CASP6: variants seen among roughly 807,000 people sequenced by gnomAD.
CASP6 encodes caspase-6.
A neutral mutation model predicts 31.8 loss-of-function variants in CASP6; 20 were observed. The observed-to-expected ratio is 0.63, with a 90% CI of 0.44 to 0.91. The LOEUF is 0.91. CASP6 is among the 40% of genes least tolerant of loss of function. CASP6 has a pLI of 0.00. For missense variants in CASP6, 328 were observed against 361.1 expected, an observed-to-expected ratio of 0.91 and a Z score of 0.74; for synonymous variants, 130 against 127.8, an observed-to-expected ratio of 1.02 and a Z score of -0.12.
chr4:109,678,882 C>A, the CASP6 span, among the ~76,000 whole-genome samples: 2 of 145,772 alleles, frequency 1.4e-5, no homozygotes, highest in Non-Finnish European at 3.0e-5. Context: ...CAGAGACACT[C>A]CCCACTTCCC....
At chr4:109,678,305 T>C in the CASP6 span, among the ~76,000 whole-genome samples, 1 of 152,224 alleles carries the variant, frequency 6.6e-6, no homozygotes. Flanking sequence ...ATCATCATCA[T>C]GGCCTGTTCT....
At chr4:109,688,369 A>G (rs1175461942), downstream of CASP6, 1 of 152,262 alleles carries the variant, frequency 6.6e-6, no homozygotes, top group Admixed American at 6.5e-5. Context: ...TAGGAACTTA[A>G]CATGGAAGAT....
At chr4:109,684,390 C>T, downstream of CASP6, 3 of 1,418,568 alleles carry the variant, frequency 2.1e-6, no homozygotes, top group Non-Finnish European at 2.9e-6. Flanking sequence ...GCTTTTTGTC[C>T]CTTTAGTTGG....
the CASP6 span, among the ~76,000 whole-genome samples, chr4:109,675,686 G>A: frequency 3.8e-4 from 58 of 152,356 alleles, no homozygotes; most frequent in Admixed American, 2.8e-3. Flanking sequence ...GATGTGAGGC[G>A]TATTGGGAGG....
At chr4:109,694,105 G>A (rs1045763638) in intron 5 of CASP6, among the ~76,000 whole-genome samples, 1 of 152,168 alleles carries the variant, frequency 6.6e-6, no homozygotes, top group African/African-American at 2.4e-5. Flanking sequence ...ATGTGAAAGG[G>A]ATGAGACAGG....
At chr4:109,692,722 A>G (rs1386456941) in intron 5 of CASP6, 2 of 152,038 alleles carry the variant, frequency 1.3e-5, no homozygotes, top group Non-Finnish European at 2.9e-5. Flanking sequence ...CCACCTCCTG[A>G]TTTATTTCTC....
Position 109,697,697 on chromosome 4 carries a change from T to C in CASP6, c.155A>G (p.His52Arg). 2 of 1,614,082 alleles carry C rather than the reference T, an allele frequency of 1.2e-6. No homozygotes were observed. The highest frequency in any genetic ancestry group is 1.1e-5 in the South Asian group (1 of 91,024). ...TGTTAAGTGCCAAAAGAACCTCTCA[T>C]GATTGAAGATTAAAGCAATTCCTCT... ...RRRGIALIFNHERFFWHLTLP... is the reference protein window; with the variant it reads ...RRRGIALIFNRERFFWHLTLP... The change falls in exon 3 of 7, where the codon CAT becomes CGT. Residue 52 changes from histidine to arginine, a missense_variant. Transcript: ENST00000265164.
upstream of CASP6, among the ~76,000 whole-genome samples, chr4:109,705,636 C>T (rs544568320): frequency 5.3e-5 from 8 of 151,732 alleles, no homozygotes; most frequent in South Asian, 8.3e-4. Flanking sequence ...TATCCACTTA[C>T]GGTATGTAAC....
chr4:109,682,773 A>G, the CASP6 span: 1 of 1,548,298 alleles, frequency 6.5e-7, no homozygotes, highest in Non-Finnish European at 8.8e-7. Context: ...AGTATATTTG[A>G]AAATAATACC....
At position 109,690,911 on chromosome 4, in the gene CASP6, T is replaced by A; in HGVS notation, c.582A>T (p.Ala194=). 6.2e-7 allele frequency: 1 copy of A among 1,613,612 alleles called. No individual in the cohort carries two copies. The highest frequency in any genetic ancestry group is 1.1e-5 in the South Asian group (1 of 90,980). Residue 194 remains alanine, a synonymous_variant, in exon 6 of 7, where the codon GCA becomes GCT. Transcript: ENST00000265164. ...CAGCAGGCAGCGTGTAAACGGAGGCTGCATCCACCTCAGTTATGTTGGTGT... is the reference window on the plus strand; with the variant it reads ...CAGCAGGCAGCGTGTAAACGGAGGCAGCATCCACCTCAGTTATGTTGGTGT... ...KLDTNITEVD[A]ASVYTLPAGA...
the CASP6 span, among the ~76,000 whole-genome samples, chr4:109,670,165 A>G: frequency 3.9e-5 from 6 of 152,206 alleles, no homozygotes; most frequent in Non-Finnish European, 8.8e-5. Flanking sequence ...AAAGTAAGGT[A>G]TGGAGGGGAA....
chr4:109,706,884 G>C (rs1320216604), upstream of CASP6, among the ~76,000 whole-genome samples: 2 of 152,144 alleles, frequency 1.3e-5, no homozygotes, highest in African/African-American at 4.8e-5. Flanking sequence ...TCCAGCCTGA[G>C]TGACAGAACG....
chr4:109,691,273 G>A (rs1379996416), intron 5 of CASP6, among the ~76,000 whole-genome samples: 1 of 152,232 alleles, frequency 6.6e-6, no homozygotes, highest in Non-Finnish European at 1.5e-5. Context: ...AGGGTATACT[G>A]TAGAGGAAAA....
the CASP6 span, among the ~76,000 whole-genome samples, chr4:109,677,922 G>A: frequency 6.7e-6 from 1 of 148,774 alleles, no homozygotes. Flanking sequence ...AGATAAACAC[G>A]TGAACAAAGG....
chr4:109,668,031 T>C, the CASP6 span, among the ~76,000 whole-genome samples: 1 of 152,078 alleles, frequency 6.6e-6, no homozygotes, highest in Admixed American at 6.5e-5. Flanking sequence ...TTTTTTACAT[T>C]TACTCATGTG....
At chr4:109,667,725 A>T in the CASP6 span, among the ~76,000 whole-genome samples, 1 of 149,936 alleles carries the variant, frequency 6.7e-6, no homozygotes, top group Non-Finnish European at 1.5e-5. Flanking sequence ...CTCTTTCTCT[A>T]GTTTCTTAAA....
chr4:109,702,277 TAA>T (rs1003723133), intron 1 of CASP6, among the ~76,000 whole-genome samples: 7 of 152,172 alleles, frequency 4.6e-5, no homozygotes, highest in Admixed American at 2.6e-4. Context: ...CAGCAAAATA[TAA>T]AGAGTTCTTA....
At chr4:109,707,550 C>A (rs532999413), upstream of CASP6, among the ~76,000 whole-genome samples, 9 of 152,070 alleles carry the variant, frequency 5.9e-5, no homozygotes, top group Non-Finnish European at 1.2e-4. Context: ...CCATGCCTGG[C>A]TAATTTTGTA....
At position 109,701,197 on chromosome 4, in the gene CASP6, A is replaced by G. The variant is rs5030532; in HGVS notation, c.40+2159T>C. Among the ~76,000 whole-genome samples the G allele has an allele frequency of 1.9e-3, 285 of 152,194 alleles. 2 individuals carry two copies. Among genetic ancestry groups the G allele is most frequent in the African/African-American group, 6.5e-3 (270 of 41,496 alleles). On this transcript the variant is annotated intron_variant, in intron 1 of 6. Coordinates refer to ENST00000265164, the MANE Select transcript of CASP6 (RefSeq NM_001226.4). ...GGCTGGTCTTGAACTCCTGGCCTCA[A>G]GTGATCCACCTGCCTCAGCCTCCTG...
Sources: gnomAD v4.1 joint callset for allele counts (sites outside exome capture counted in the v4.1 genomes callset) on GRCh38, gnomAD v4.1.1 for gene constraint, MANE v1.5 for transcripts, NCBI Gene and HGNC (gene_info 2026-07-23, HGNC 2026-07-21) for gene names.